MTA3: variants seen among roughly 807,000 people sequenced by gnomAD.
MTA3 encodes metastasis associated 1 family member 3.
Under a neutral mutation model 83.5 loss-of-function variants are expected in MTA3, and 34 were observed. The observed-to-expected ratio is 0.41, with a 90% CI of 0.31 to 0.54. The LOEUF (loss-of-function observed/expected upper bound fraction) is 0.54. Among genes scored for constraint, MTA3 ranks in the 20% least tolerant of loss-of-function variants. The probability of loss-of-function intolerance (pLI) is 0.33; values close to 1 mark genes in which losing one functional copy is unlikely to be tolerated. For synonymous variants in MTA3, 303 were observed against 252.7 expected, an observed-to-expected ratio of 1.20 and a Z score of -1.89; for missense variants, 761 against 726.4, an observed-to-expected ratio of 1.05 and a Z score of -0.55.
intron 2 of MTA3, among the ~76,000 whole-genome samples, chr2:42,531,445 CTT>C (rs10659582): frequency 1.5e-4 from 11 of 75,338 alleles, no homozygotes; most frequent in Middle Eastern, 0.016. Context: ...GAAGCAAACT[CTT>C]TTTTTTTTTT....
rs535374564 is a variant in MTA3, at chr2:42,591,168, G to T, written c.190+11968G>T. On this transcript the variant is annotated intron_variant, in intron 3 of 16. Coordinates refer to ENST00000405094, the MANE Select transcript of MTA3 (RefSeq NM_001330442.2). ...GTGGTATAGCCTATTTGTACTTAGG[G>T]TACAAATCTGTACACATGTTATTGT... Among the ~76,000 whole-genome samples the T allele has an allele frequency of 5.0e-4, 76 of 152,230 alleles. 2 individuals are homozygous for T. In the South Asian group the frequency reaches 0.016, roughly 31 times the overall value.
intron 2 of MTA3, among the ~76,000 whole-genome samples, chr2:42,504,972 C>T (rs1674566429): frequency 6.6e-6 from 1 of 152,140 alleles, no homozygotes; most frequent in Non-Finnish European, 1.5e-5. Context: ...CCCTTCTCCC[C>T]ATCACCACTC....
chr2:42,710,476 G>A (rs948115746), intron 14 of MTA3, among the ~76,000 whole-genome samples: 12 of 150,730 alleles, frequency 8.0e-5, no homozygotes, highest in Non-Finnish European at 1.3e-4. Flanking sequence ...GCTTTAAACC[G>A]GGAGGCAGAG....
At chr2:42,559,122 G>A (rs1677539942) in intron 2 of MTA3, among the ~76,000 whole-genome samples, 1 of 152,102 alleles carries the variant, frequency 6.6e-6, no homozygotes, top group Non-Finnish European at 1.5e-5. Context: ...TCTAGTCTAG[G>A]CCTCTCTGCT....
intron 4 of MTA3, among the ~76,000 whole-genome samples, chr2:42,636,259 G>T (rs1271122961): frequency 6.6e-6 from 1 of 152,126 alleles, no homozygotes; most frequent in African/African-American, 2.4e-5. Context: ...AGAAAGTTTG[G>T]GCCAAGTGTG....
At chr2:42,724,504 T>C (rs1051913686) in intron 16 of MTA3, among the ~76,000 whole-genome samples, 48 of 151,602 alleles carry the variant, frequency 3.2e-4, no homozygotes, top group African/African-American at 1.0e-3. Flanking sequence ...TTACAAATTA[T>C]CTAGTGGCGC....
chr2:42,683,379 A>G (rs1310313412), intron 9 of MTA3, among the ~76,000 whole-genome samples: 1 of 152,106 alleles, frequency 6.6e-6, no homozygotes, highest in Non-Finnish European at 1.5e-5. Context: ...TTGATCTTTG[A>G]TTCTTCTTAA....
At chr2:42,695,744 G>T in intron 9 of MTA3, 21 bp from the exon 10 acceptor site, 1 of 1,401,104 alleles carries the variant, frequency 7.1e-7, no homozygotes, top group Non-Finnish European at 9.6e-7. Context: ...TAGATGATAG[G>T]TTGATTTTTT....
chr2:42,640,112 C>A, intron 4 of MTA3, 61 bp from the exon 5 acceptor site: 1 of 1,200,972 alleles, frequency 8.3e-7, no homozygotes, highest in Non-Finnish European at 1.2e-6. Context: ...CTTTGTATTT[C>A]TCATCACTGA....
intron 16 of MTA3, among the ~76,000 whole-genome samples, chr2:42,728,969 T>G (rs1668017942): frequency 6.6e-6 from 1 of 152,152 alleles, no homozygotes; most frequent in Non-Finnish European, 1.5e-5. Context: ...TATGATCTAA[T>G]TTGTCTATTT....
In MTA3 at chr2:42,644,127, G is replaced by A. The variant is rs1419806042; in HGVS notation, c.382G>A (p.Asp128Asn). 2 of 1,577,182 alleles carry A rather than the reference G, an allele frequency of 1.3e-6. No homozygotes were observed. The highest frequency in any genetic ancestry group is 2.3e-5 in the East Asian group (1 of 43,796). ...ESVLSYLDKE[D>N]TFFYSLVYDP... ...CTATGTATTTTGTCATATTTTTCAG[G>A]ATACCTTCTTCTACTCATTGGTCTA... Residue 128 changes from aspartate to asparagine, a missense_variant and splice_region_variant, in exon 6 of 17, where the codon GAT becomes AAT. By Grantham distance (23) the Asp-to-Asn change is conservative (BLOSUM62 1). Transcript: ENST00000405094.
At chr2:42,752,303 T>A (rs1298737063) in intron 16 of MTA3, 1 of 470,966 alleles carries the variant, frequency 2.1e-6, no homozygotes, top group East Asian at 6.9e-5. Flanking sequence ...TCTGAGGCTG[T>A]GAAGGTGAGC....
intron 2 of MTA3, among the ~76,000 whole-genome samples, chr2:42,575,560 TA>T (rs35207640): frequency 3.4e-5 from 5 of 147,910 alleles, no homozygotes; most frequent in South Asian, 4.3e-4. Flanking sequence ...GCAAGGGTGA[TA>T]AAAAAAAAAC....
At chr2:42,652,720 T>G (rs911427677) in intron 6 of MTA3, among the ~76,000 whole-genome samples, 5 of 152,198 alleles carry the variant, frequency 3.3e-5, no homozygotes, top group African/African-American at 1.2e-4. Flanking sequence ...AAATCTCCAA[T>G]TTTATTTCCT....
At chr2:42,594,728 A>ATTTTTTTTTTTTTT (rs1211133796) in intron 3 of MTA3, among the ~76,000 whole-genome samples, 1 of 24,044 alleles carries the variant, frequency 4.2e-5, no homozygotes, top group African/African-American at 2.2e-4. Flanking sequence ...ATATATATAT[A>ATTTTTTTTTTTTTT]TTTTTTTTTT....
chr2:42,695,250 G>A (rs114808947), intron 9 of MTA3, among the ~76,000 whole-genome samples: 1 of 152,210 alleles, frequency 6.6e-6, no homozygotes, highest in African/African-American at 2.4e-5. Context: ...CTTGTTTGGG[G>A]TACCGTTTGC....
intron 15 of MTA3, 150 bp from the exon 16 acceptor site, chr2:42,722,739 A>C (rs1667516495): frequency 1.1e-6 from 1 of 879,106 alleles, no homozygotes. Context: ...CAACACTTGA[A>C]GCTGACTCAT....
At chr2:42,660,269 G>C (rs1200848731) in intron 8 of MTA3, among the ~76,000 whole-genome samples, 2 of 151,512 alleles carry the variant, frequency 1.3e-5, no homozygotes, top group Non-Finnish European at 2.9e-5. Context: ...TTGTATTTTT[G>C]GTAGAGACGG....
intron 8 of MTA3, among the ~76,000 whole-genome samples, chr2:42,681,852 C>T (rs996658348): frequency 2.0e-5 from 3 of 146,850 alleles, no homozygotes; most frequent in African/African-American, 5.1e-5. Flanking sequence ...GACCATGCCA[C>T]AGCACTCCAG....
Sources: allele counts gnomAD v4.1 joint callset (sites outside exome capture counted in the v4.1 genomes callset), GRCh38; gene constraint gnomAD v4.1.1; transcripts MANE v1.5; gene names NCBI Gene and HGNC (gene_info 2026-07-23, HGNC 2026-07-21).